Variants in CLPTM1L observed in about 807,000 individuals in gnomAD.
CLPTM1L encodes the protein CLPTM1 like.
Under a neutral mutation model 70.9 loss-of-function variants are expected in CLPTM1L, and 38 were observed. The ratio of observed to expected loss-of-function variants is 0.54; its 90% CI spans 0.41 to 0.70. The LOEUF (loss-of-function observed/expected upper bound fraction) is 0.70, where lower values mean the gene tolerates loss of function less well. Among genes scored for constraint, CLPTM1L ranks in the 30% least tolerant of loss-of-function variants. The pLI is 0.00. For missense variants in CLPTM1L, 652 were observed against 705.9 expected (o/e 0.92, Z 0.87); for synonymous variants, 339 against 299.9 (o/e 1.13, Z -1.35).
chr5:1,341,044 G>T (rs1224940999), intron 3 of CLPTM1L, among the ~76,000 whole-genome samples: 1 of 152,210 alleles, frequency 6.6e-6, no homozygotes, highest in Non-Finnish European at 1.5e-5. Flanking sequence ...GGGATTACAG[G>T]CATGAGCCAC....
At chr5:1,332,757 T>G (rs1378104733) in intron 7 of CLPTM1L, among the ~76,000 whole-genome samples, 1 of 152,248 alleles carries the variant, frequency 6.6e-6, no homozygotes, top group East Asian at 1.9e-4. Flanking sequence ...TACCAGTTAT[T>G]GTGGGTAATC....
In CLPTM1L at chr5:1,319,939, G is replaced by C. The variant is rs528458233; in HGVS notation, c.1532+677C>G. On this transcript the variant is annotated intron_variant, in intron 16 of 16. Transcript: ENST00000320895. ...CTACCCTGGCACAGCAGAGCTGGAG[G>C]GAGGTTTTGCTGACTGAGAGGGCAG... is the stretch of plus-strand genomic sequence containing the variant. Among the ~76,000 whole-genome samples the C allele has an allele frequency of 1.1e-4, 17 of 152,332 alleles. No individual in the cohort carries two copies. The East Asian group carries it at 3.1e-3, about 28-fold the overall frequency.
intron 4 of CLPTM1L, chr5:1,338,239 G>A (rs143064874): frequency 7.2e-6 from 4 of 558,520 alleles, no homozygotes; most frequent in South Asian, 4.0e-5. Flanking sequence ...CACTAGGAGC[G>A]GGGGAATTAC....
At chr5:1,321,205 G>A (rs1047462947) in intron 15 of CLPTM1L, among the ~76,000 whole-genome samples, 3 of 152,214 alleles carry the variant, frequency 2.0e-5, no homozygotes, top group Non-Finnish European at 2.9e-5. Context: ...CTGCAATGCC[G>A]AGGCACTTCT....
rs31488 is a variant in CLPTM1L, at chr5:1,342,042, A to G, written c.264-182T>C. 0.42 allele frequency among the ~76,000 whole-genome samples: 61,869 copies of G among 146,526 alleles called. 13,208 individuals are homozygous for G. Among genetic ancestry groups the G allele is most frequent in the African/African-American group, 0.51 (20,010 of 38,972 alleles). On this transcript the variant is annotated intron_variant, in intron 2 of 16. Coordinates refer to ENST00000320895, the MANE Select transcript of CLPTM1L (RefSeq NM_030782.5). The surrounding 1 kb of genome is among the most constrained non-coding windows in gnomAD (Gnocchi z 4.3). ...TGTGTGTGTGTGTGTGTGTGTGTGC[A>G]CGCGCACGCGTGCGCGTCCTGAGAA...
intron 11 of CLPTM1L, 132 bp downstream of exon 11, chr5:1,324,629 TGG>T: frequency 1.1e-6 from 1 of 872,942 alleles, no homozygotes; most frequent in Non-Finnish European, 1.9e-6. Context: ...TGTTCACTCT[TGG>T]GATCCCTGCT....
chr5:1,327,841 A>C (rs1382768705), intron 9 of CLPTM1L, among the ~76,000 whole-genome samples: 1 of 145,798 alleles, frequency 6.9e-6, no homozygotes. Flanking sequence ...GACACATTCC[A>C]TCCAGCTCCT....
chr5:1,332,117 T>C (rs1019541988), intron 7 of CLPTM1L: 4 of 544,508 alleles, frequency 7.3e-6, no homozygotes, highest in Non-Finnish European at 1.3e-5. Flanking sequence ...ATACGTACCT[T>C]TGACTTGAAC....
intron 4 of CLPTM1L, 162 bp from the exon 5 acceptor site, chr5:1,338,144 A>G: frequency 3.1e-6 from 2 of 645,800 alleles, no homozygotes; most frequent in South Asian, 1.8e-5. Flanking sequence ...CCCAAACGGA[A>G]GCAGAGAGCC....
intron 9 of CLPTM1L, among the ~76,000 whole-genome samples, chr5:1,329,998 T>C (rs1752977125): frequency 6.7e-6 from 1 of 149,976 alleles, no homozygotes; most frequent in Non-Finnish European, 1.5e-5. Context: ...GGACAGAGCC[T>C]CAGGACTATC....
At chr5:1,338,676 C>G (rs149777166) in intron 4 of CLPTM1L, among the ~76,000 whole-genome samples, 184 bp downstream of exon 4, 20 of 152,240 alleles carry the variant, frequency 1.3e-4, no homozygotes, top group South Asian at 2.1e-4. Flanking sequence ...CTTTCTCCCC[C>G]CTTCCAGCCC....
In CLPTM1L at chr5:1,326,471, A is replaced by G. The variant is rs375421507; in HGVS notation, c.1081-655T>C. The G allele has an allele frequency of 3.6e-4, 77 of 212,780 alleles. 1 individual carries two copies. Among genetic ancestry groups the G allele is most frequent in the Middle Eastern group, 1.9e-3 (1 of 518 alleles). The allele number at this position is 212,780 out of a possible 1,614,324, so 13.2% of individuals were successfully genotyped here. On this transcript the variant is annotated intron_variant, in intron 9 of 16. Transcript: ENST00000320895. Reference sequence around the variant, plus strand: ...ATTTCATCCAGCTCCTCCTCCACAGACACATTTCATCCAGCTCCTCCTCTA... The same window carrying G: ...ATTTCATCCAGCTCCTCCTCCACAGGCACATTTCATCCAGCTCCTCCTCTA...
rs566323743 is a variant in CLPTM1L, at chr5:1,341,633, G to A, written c.453+38C>T. ...AAAGACATGTCCGTTCTGACGGAGAGGCACAGCCTGTTATCAGTAACCCAT... is the reference window on the plus strand; with the variant it reads ...AAAGACATGTCCGTTCTGACGGAGAAGCACAGCCTGTTATCAGTAACCCAT... On this transcript the variant is annotated intron_variant, in intron 3 of 16. Transcript: ENST00000320895. 624 of 1,543,286 alleles carry A rather than the reference G, an allele frequency of 4.0e-4. 8 individuals are homozygous for A. In the South Asian group the frequency reaches 7.1e-3, roughly 17 times the overall value.
chr5:1,331,741 GCT>G, intron 8 of CLPTM1L, 56 bp downstream of exon 8: 2 of 1,473,732 alleles, frequency 1.4e-6, no homozygotes, highest in Non-Finnish European at 1.9e-6. Context: ...TCTACCGCAG[GCT>G]CCAGTGAGCT....
intron 9 of CLPTM1L, among the ~76,000 whole-genome samples, chr5:1,329,487 T>TTGGTGGACAGAGCCTCAGGACTCTCTGCC (rs1752926700): frequency 8.0e-6 from 1 of 124,640 alleles, no homozygotes; most frequent in African/African-American, 3.3e-5. Flanking sequence ...GACTCTCTGC[T>TTGGTGGACAGAGCCTCAGGACTCTCTGCC]TGGTGGACAG....
Position 1,344,991 on chromosome 5 carries a change from G to A in CLPTM1L, c.-150C>T, listed in dbSNP as rs1330029807. On this transcript the variant is annotated 5_prime_UTR_variant, in exon 1 of 17. Transcript: ENST00000320895. Reference sequence around the variant, plus strand: ...CGCCGCGGGGGAACGAATGCGCCGCGCGCCGCAGACCGCCGGCCGCCCCGC... The same window carrying A: ...CGCCGCGGGGGAACGAATGCGCCGCACGCCGCAGACCGCCGGCCGCCCCGC... The A allele has an allele frequency of 1.0e-5, 3 of 301,312 alleles. No individual in the cohort carries two copies. The highest frequency in any genetic ancestry group is 2.3e-5 in the African/African-American group (1 of 43,888). 18.7% of individuals were successfully genotyped at this position (301,312 alleles called of 1,614,324 possible).
rs991114101 is a variant in CLPTM1L at position 1,318,111 on chromosome 5, G to A, written c.*258C>T. ...GGACATGGCCGAACCCCGGACACTC[G>A]TGTGCCGGGAGCCACCACAGCTCAA... On this transcript the variant is annotated 3_prime_UTR_variant, in exon 17 of 17. Transcript: ENST00000320895. The surrounding 1 kb of genome is among the most constrained non-coding windows in gnomAD (Gnocchi z 8.9). 1.6e-5 allele frequency: 8 copies of A among 503,542 alleles called. No homozygotes were observed. The highest frequency in any genetic ancestry group is 3.9e-5 in the African/African-American group (2 of 51,098). The allele number at this position is 503,542 out of a possible 1,614,324, so 31.2% of individuals were successfully genotyped here.
intron 5 of CLPTM1L, among the ~76,000 whole-genome samples, chr5:1,337,452 G>A (rs924537351): frequency 3.3e-5 from 5 of 152,252 alleles, no homozygotes; most frequent in African/African-American, 1.2e-4. Context: ...GGGGGCTCCA[G>A]CTCCGAGGAA....
chr5:1,337,976 C>G lies in CLPTM1L; in HGVS notation c.606G>C (p.Gln202His). 1 of 1,605,404 alleles carries G rather than the reference C, an allele frequency of 6.2e-7. No individual in the cohort carries two copies. The highest frequency in any genetic ancestry group is 1.1e-5 in the South Asian group (1 of 88,526). The change falls in exon 5 of 17, where the codon CAG (glutamine) becomes CAC (histidine). Residue 202 changes from glutamine to histidine, a missense_variant. By Grantham distance (24) the Gln-to-His change is conservative. Coordinates refer to ENST00000320895, the MANE Select transcript of CLPTM1L (RefSeq NM_030782.5). ...GCAGGTAATGCACGGTTTTCCCCAG[C>G]TGGATCCTGGGATTAAAGCACAACT... ...ADVHRYMKMI[Q>H]LGKTVHYLPI...
Sources: gnomAD v4.1 joint callset for allele counts (sites outside exome capture counted in the v4.1 genomes callset) on GRCh38, gnomAD v4.1.1 for gene constraint, Gnocchi (gnomAD v3.1) non-coding constraint, MANE v1.5 for transcripts, NCBI Gene and HGNC (gene_info 2026-07-23, HGNC 2026-07-21) for gene names.